PCDH9: variants seen among roughly 807,000 people sequenced by gnomAD.
PCDH9 encodes the protein protocadherin-9.
Under a neutral mutation model 70.6 loss-of-function variants are expected in PCDH9, and 24 were observed. That is an observed-to-expected ratio of 0.34 (90% CI 0.25 to 0.48). The LOEUF is 0.48. PCDH9 is among the 20% of genes least tolerant of loss of function. PCDH9 has a pLI of 0.99. For missense variants in PCDH9, 1,281 were observed against 1,503.6 expected (o/e 0.85, Z 2.45); for synonymous variants, 562 against 558.5 (o/e 1.01, Z -0.09).
intron 3 of PCDH9, among the ~76,000 whole-genome samples, chr13:66,820,561 C>T (rs74728725): frequency 6.6e-6 from 1 of 152,088 alleles, no homozygotes; most frequent in Admixed American, 6.5e-5. Context: ...GCATTTGTTG[C>T]AGCACTATTC....
At chr13:66,344,991 G>A (rs267324) in intron 4 of PCDH9, among the ~76,000 whole-genome samples, 1 of 152,208 alleles carries the variant, frequency 6.6e-6, no homozygotes, top group Non-Finnish European at 1.5e-5. Flanking sequence ...CTTAAGCTGG[G>A]CTTTCTTATC....
intron 3 of PCDH9, among the ~76,000 whole-genome samples, chr13:66,829,907 A>G (rs773570646): frequency 2.0e-5 from 3 of 151,848 alleles, no homozygotes; most frequent in Non-Finnish European, 2.9e-5. Context: ...ATTTGACCCT[A>G]AGGCTAACAC....
chr13:66,599,144 A>C (rs1440270171), intron 4 of PCDH9, among the ~76,000 whole-genome samples: 1 of 151,792 alleles, frequency 6.6e-6, no homozygotes, highest in Non-Finnish European at 1.5e-5. Flanking sequence ...ATATATATGC[A>C]TTTTATTTTC....
intron 2 of PCDH9, among the ~76,000 whole-genome samples, chr13:67,116,360 G>A (rs1240212259): frequency 1.3e-5 from 2 of 152,068 alleles, no homozygotes; most frequent in Admixed American, 1.3e-4. Flanking sequence ...ATTTAGAAAG[G>A]AGATCCTGAC....
chr13:66,744,498 G>A (rs983942743), intron 3 of PCDH9, among the ~76,000 whole-genome samples: 1 of 152,112 alleles, frequency 6.6e-6, no homozygotes, highest in Non-Finnish European at 1.5e-5. Flanking sequence ...TCATGTTTGT[G>A]TTAGCCTTCC....
At chr13:66,511,632 G>A (rs1209174003) in intron 4 of PCDH9, among the ~76,000 whole-genome samples, 1 of 152,074 alleles carries the variant, frequency 6.6e-6, no homozygotes, top group Non-Finnish European at 1.5e-5. Flanking sequence ...GGTGGGAAGT[G>A]ATTGGATCAT....
chr13:67,205,428 A>G (rs1274987782), intron 2 of PCDH9: 1 of 152,228 alleles, frequency 6.6e-6, no homozygotes, highest in African/African-American at 2.4e-5. Context: ...TGCTGCCTGA[A>G]AATAGCTCTC....
At chr13:66,864,367 G>A (rs968010831) in intron 3 of PCDH9, among the ~76,000 whole-genome samples, 1 of 152,046 alleles carries the variant, frequency 6.6e-6, no homozygotes, top group Non-Finnish European at 1.5e-5. Context: ...CCTCAAAAAG[G>A]GGGGTGGGGG....
At chr13:66,810,085 A>T (rs927616162) in intron 3 of PCDH9, among the ~76,000 whole-genome samples, 1 of 152,062 alleles carries the variant, frequency 6.6e-6, no homozygotes, top group African/African-American at 2.4e-5. Context: ...ATTATACTTT[A>T]TTTGCTATGT....
chr13:66,498,745 TG>T (rs1373930340), intron 4 of PCDH9, among the ~76,000 whole-genome samples: 1 of 152,132 alleles, frequency 6.6e-6, no homozygotes, highest in African/African-American at 2.4e-5. Context: ...ACTGTTGATG[TG>T]GTATCCCGTA....
chr13:66,801,904 T>C (rs2080332330), intron 3 of PCDH9, among the ~76,000 whole-genome samples: 1 of 152,088 alleles, frequency 6.6e-6, no homozygotes, highest in South Asian at 2.1e-4. Flanking sequence ...TTAAACTGCA[T>C]ACTCAACAAA....
chr13:66,951,388 TTTTG>T (rs61021898), intron 2 of PCDH9, among the ~76,000 whole-genome samples: 22,307 of 151,978 alleles, frequency 0.15, 2,080 homozygotes, highest in East Asian at 0.54. Context: ...CAAGGGTTTA[TTTTG>T]TTTGTTTGTT....
intron 4 of PCDH9, among the ~76,000 whole-genome samples, chr13:66,588,590 G>A (rs1368257602): frequency 1.3e-5 from 2 of 151,498 alleles, no homozygotes; most frequent in Non-Finnish European, 2.9e-5. Context: ...ATTAAAATCA[G>A]TGCACAAGGA....
intron 2 of PCDH9, among the ~76,000 whole-genome samples, chr13:67,130,592 G>C (rs942364442): frequency 3.9e-5 from 6 of 151,952 alleles, no homozygotes; most frequent in African/African-American, 1.5e-4. Context: ...CCCAAATAAA[G>C]AACCATCCCT....
At chr13:66,868,922 A>G (rs772916920) in intron 3 of PCDH9, among the ~76,000 whole-genome samples, 1 of 152,188 alleles carries the variant, frequency 6.6e-6, no homozygotes, top group Non-Finnish European at 1.5e-5. Flanking sequence ...CTAGCATGAT[A>G]AATATACGCT....
chr13:67,112,744 G>T (rs1289334543), intron 2 of PCDH9, among the ~76,000 whole-genome samples: 1 of 147,482 alleles, frequency 6.8e-6, no homozygotes, highest in Non-Finnish European at 1.5e-5. Flanking sequence ...TCTTGACAGG[G>T]TCTCACTCTG....
chr13:66,868,204 T>C (rs918755371), intron 3 of PCDH9, among the ~76,000 whole-genome samples: 1 of 151,952 alleles, frequency 6.6e-6, no homozygotes, highest in Non-Finnish European at 1.5e-5. Context: ...AAATTTAGCA[T>C]GGCTAAATTC....
At chr13:67,219,076 C>A (rs958590438) in intron 2 of PCDH9, 3 of 151,952 alleles carry the variant, frequency 2.0e-5, no homozygotes, top group African/African-American at 7.2e-5. Flanking sequence ...TGCCACTATT[C>A]TTGTCTATCA....
At chr13:66,675,047 C>T (rs2078224078) in intron 3 of PCDH9, among the ~76,000 whole-genome samples, 1 of 151,974 alleles carries the variant, frequency 6.6e-6, no homozygotes, top group Non-Finnish European at 1.5e-5. Context: ...ATGCAGTTTG[C>T]TTAGTCTTAC....
Sources: allele counts gnomAD v4.1 joint callset (sites outside exome capture counted in the v4.1 genomes callset), GRCh38; gene constraint gnomAD v4.1.1; transcripts MANE v1.5; gene names NCBI Gene and HGNC (gene_info 2026-07-23, HGNC 2026-07-21).